The following PCDH9 variants were observed in gnomAD, a reference collection of about 807,000 sequenced individuals.
PCDH9 encodes the protein protocadherin-9.
Under a neutral mutation model 70.6 loss-of-function variants are expected in PCDH9, and 24 were observed. That is an observed-to-expected ratio of 0.34 (90% confidence interval 0.25 to 0.48). The LOEUF is 0.48. PCDH9 is among the 20% of genes least tolerant of loss of function. The pLI, the probability that PCDH9 is intolerant of heterozygous loss-of-function variation, is 0.99. For synonymous variants in PCDH9, 562 were observed against 558.5 expected (o/e 1.01, Z -0.09); for missense variants, 1,281 against 1,503.6 (o/e 0.85, Z 2.45).
At chr13:66,876,442 C>T (rs750057969) in intron 3 of PCDH9, among the ~76,000 whole-genome samples, 22 of 151,954 alleles carry the variant, frequency 1.4e-4, no homozygotes, top group African/African-American at 4.1e-4. Context: ...AATTCAAATC[C>T]GATTTATTGA....
At chr13:66,740,777 C>T (rs1209630983) in intron 3 of PCDH9, among the ~76,000 whole-genome samples, 2 of 151,100 alleles carry the variant, frequency 1.3e-5, no homozygotes, top group South Asian at 4.2e-4. Flanking sequence ...TACACTCTCC[C>T]AAGACTAAAC....
chr13:66,771,836 G>A (rs1233268757), intron 3 of PCDH9, among the ~76,000 whole-genome samples: 1 of 152,142 alleles, frequency 6.6e-6, no homozygotes, highest in East Asian at 1.9e-4. Flanking sequence ...ATGAGAAAAA[G>A]TTGCATAAAT....
intron 2 of PCDH9, among the ~76,000 whole-genome samples, chr13:67,142,757 T>C (rs1404387166): frequency 6.6e-6 from 1 of 151,900 alleles, no homozygotes; most frequent in Non-Finnish European, 1.5e-5. Flanking sequence ...TCCCAGCACT[T>C]TGGGAGGCCG....
intron 2 of PCDH9, among the ~76,000 whole-genome samples, chr13:67,100,867 T>C (rs2086418372): frequency 6.6e-6 from 1 of 152,118 alleles, no homozygotes; most frequent in Admixed American, 6.6e-5. Context: ...AAGGGGCCTC[T>C]AAAGAAGTAG....
intron 2 of PCDH9, among the ~76,000 whole-genome samples, chr13:67,165,818 G>A (rs536530615): frequency 5.3e-5 from 8 of 152,118 alleles, no homozygotes; most frequent in South Asian, 4.2e-4. Flanking sequence ...ATTTTAAGAC[G>A]CATGGACATT....
At chr13:67,131,498 T>C (rs1317533477) in intron 2 of PCDH9, among the ~76,000 whole-genome samples, 1 of 152,190 alleles carries the variant, frequency 6.6e-6, no homozygotes, top group Non-Finnish European at 1.5e-5. Flanking sequence ...TTTTAATACA[T>C]GCATTTCTGA....
chr13:66,874,612 T>C (rs1009915541), intron 3 of PCDH9, among the ~76,000 whole-genome samples: 1 of 152,040 alleles, frequency 6.6e-6, no homozygotes, highest in Non-Finnish European at 1.5e-5. Flanking sequence ...AACAATTATA[T>C]TACAAAACTA....
chr13:66,921,416 C>T (rs964860983), intron 2 of PCDH9, among the ~76,000 whole-genome samples: 4 of 151,064 alleles, frequency 2.6e-5, no homozygotes, highest in Non-Finnish European at 3.0e-5. Context: ...ACTCAGTCAT[C>T]GTGAGCATGT....
In PCDH9 at chr13:66,903,496, T is replaced by C. The variant is rs777552764; in HGVS notation, c.3138+8A>G. 1.3e-5 allele frequency: 16 copies of C among 1,237,082 alleles called. No homozygotes were observed. Among genetic ancestry groups the C allele is most frequent in the Middle Eastern group, 3.8e-4 (2 of 5,316 alleles). The allele number at this position is 1,237,082 out of a possible 1,614,324, so 76.6% of individuals were successfully genotyped here. ...TACTAACATGTTCTCTATAGATATA[T>C]GGCATACCTCGTAATGGCTTTCTTC... is the stretch of plus-strand genomic sequence containing the variant. On this transcript the variant is annotated splice_region_variant and intron_variant, in intron 3 of 4. Coordinates refer to ENST00000377865, the MANE Select transcript of PCDH9 (RefSeq NM_203487.3).
chr13:66,350,558 C>A (rs115669520), intron 4 of PCDH9, among the ~76,000 whole-genome samples: 1 of 152,138 alleles, frequency 6.6e-6, no homozygotes, highest in African/African-American at 2.4e-5. Context: ...GATTTTCCTT[C>A]TCTGGCTCTC....
intron 4 of PCDH9, among the ~76,000 whole-genome samples, chr13:66,589,518 T>C (rs913763597): frequency 3.3e-5 from 5 of 152,084 alleles, no homozygotes; most frequent in Non-Finnish European, 5.9e-5. Flanking sequence ...TTAGAAAGTA[T>C]AGAGCGGAAT....
chr13:67,135,659 A>G (rs1286596054), intron 2 of PCDH9, among the ~76,000 whole-genome samples: 2 of 152,164 alleles, frequency 1.3e-5, no homozygotes, highest in Non-Finnish European at 2.9e-5. Flanking sequence ...GAAGATGTCA[A>G]CAAGAATGGA....
intron 2 of PCDH9, among the ~76,000 whole-genome samples, chr13:66,923,292 T>A (rs58417725): frequency 6.6e-6 from 1 of 151,544 alleles, no homozygotes; most frequent in African/African-American, 2.4e-5. Flanking sequence ...GCACCAAATC[T>A]TGACTATATA....
intron 3 of PCDH9, among the ~76,000 whole-genome samples, chr13:66,708,234 A>G (rs563324316): frequency 1.1e-3 from 168 of 151,198 alleles, no homozygotes; most frequent in African/African-American, 3.9e-3. Context: ...TATTTTTAGT[A>G]GAGACGGGGT....
intron 2 of PCDH9, among the ~76,000 whole-genome samples, chr13:66,982,431 C>G (rs1401555741): frequency 6.6e-6 from 1 of 152,138 alleles, no homozygotes; most frequent in South Asian, 2.1e-4. Context: ...CATAATTACA[C>G]CAAGTATGTA....
In PCDH9 at chr13:66,588,726, T is replaced by C. The variant is rs191652133; in HGVS notation, c.3340+42484A>G. 3.3e-5 allele frequency among the ~76,000 whole-genome samples: 5 copies of C among 152,084 alleles called. No individual in the cohort carries two copies. In the East Asian group the frequency reaches 7.7e-4, roughly 24 times the overall value. ...CATTTAGAGCTGTTAAACAAGTTCT[T>C]TTCTTGAAGATAATTCATGAAATGC... On this transcript the variant is annotated intron_variant, in intron 4 of 4. Transcript: ENST00000377865.
intron 2 of PCDH9, among the ~76,000 whole-genome samples, chr13:67,119,631 G>A (rs2086840783): frequency 6.6e-6 from 1 of 152,076 alleles, no homozygotes; most frequent in Non-Finnish European, 1.5e-5. Flanking sequence ...ACATAAATTT[G>A]TTTTATGCTT....
intron 3 of PCDH9, among the ~76,000 whole-genome samples, chr13:66,851,956 T>A (rs893176151): frequency 2.0e-5 from 3 of 152,072 alleles, no homozygotes; most frequent in Non-Finnish European, 4.4e-5. Flanking sequence ...GTCTTTTCCC[T>A]ATGTCTTCAT....
chr13:66,902,081 A>C (rs2082284650), intron 3 of PCDH9, among the ~76,000 whole-genome samples: 1 of 151,686 alleles, frequency 6.6e-6, no homozygotes. Flanking sequence ...AATGGGAACA[A>C]TTGTATTATC....
Sources: gnomAD v4.1 joint callset for allele counts (sites outside exome capture counted in the v4.1 genomes callset) on GRCh38, gnomAD v4.1.1 for gene constraint, MANE v1.5 for transcripts, NCBI Gene and HGNC (gene_info 2026-07-23, HGNC 2026-07-21) for gene names.